DAB1: variants seen among roughly 807,000 people sequenced by gnomAD.
DAB1 encodes the protein DAB adaptor protein 1, also known as disabled homolog 1.
Under a neutral mutation model 64.6 loss-of-function variants are expected in DAB1, and 15 were observed. That is an observed-to-expected ratio of 0.23 (90% CI 0.16 to 0.36). The LOEUF (loss-of-function observed/expected upper bound fraction) is 0.36, where lower values mean the gene tolerates loss of function less well. DAB1 is among the 10% of genes least tolerant of loss of function. The pLI, the probability that DAB1 is intolerant of heterozygous loss-of-function variation, is 1.00. For missense variants in DAB1, 596 were observed against 706.7 expected (o/e 0.84, Z 1.78); for synonymous variants, 235 against 251.9 (o/e 0.93, Z 0.64).
intron 5 of DAB1, among the ~76,000 whole-genome samples, chr1:57,934,976 G>A (rs2102042599): frequency 6.6e-6 from 1 of 152,290 alleles, no homozygotes; most frequent in South Asian, 2.1e-4. Context: ...GCCATTTCTG[G>A]CTGTTTCAGT....
intron 2 of DAB1, among the ~76,000 whole-genome samples, chr1:57,252,179 C>A (rs759688710): frequency 1.3e-5 from 2 of 152,144 alleles, no homozygotes; most frequent in Non-Finnish European, 2.9e-5. Flanking sequence ...CCTTCCCTTG[C>A]GCTTAAAAAT....
intron 1 of DAB1, among the ~76,000 whole-genome samples, chr1:57,398,395 G>A (rs1682982327): frequency 6.6e-6 from 1 of 152,096 alleles, no homozygotes; most frequent in Non-Finnish European, 1.5e-5. Context: ...AAGATAAGGA[G>A]GAGTTCAACA....
intron 5 of DAB1, among the ~76,000 whole-genome samples, chr1:57,956,558 T>C (rs1645398103): frequency 6.6e-6 from 1 of 152,234 alleles, no homozygotes; most frequent in Non-Finnish European, 1.5e-5. Context: ...CACAGAAGGG[T>C]GGAGGGAAGA....
At chr1:58,107,083 T>TAA (rs111340126) in intron 5 of DAB1, among the ~76,000 whole-genome samples, 133 of 150,322 alleles carry the variant, frequency 8.8e-4, no homozygotes, top group Non-Finnish European at 1.2e-3. Context: ...TAATAGCTAG[T>TAA]AAAAAAAAAC....
At chr1:57,339,159 T>TTA (rs1677348341) in intron 1 of DAB1, among the ~76,000 whole-genome samples, 1 of 149,776 alleles carries the variant, frequency 6.7e-6, no homozygotes, top group Non-Finnish European at 1.5e-5. Flanking sequence ...TAATTAATTA[T>TTA]TATTTTTTTT....
chr1:57,000,420 TA>T (rs1645815225), intron 14 of DAB1, among the ~76,000 whole-genome samples: 1 of 152,208 alleles, frequency 6.6e-6, no homozygotes, highest in African/African-American at 2.4e-5. Context: ...TGAATGATTA[TA>T]ATGCTGTTTC....
At chr1:58,074,468 AG>A (rs1649468287) in intron 5 of DAB1, 1 of 145,484 alleles carries the variant, frequency 6.9e-6, no homozygotes, top group Non-Finnish European at 1.5e-5. Context: ...AAAAAAAAAA[AG>A]AATTATCTCT....
At chr1:57,106,476 A>G (rs1240531316) in intron 4 of DAB1, among the ~76,000 whole-genome samples, 3 of 152,148 alleles carry the variant, frequency 2.0e-5, no homozygotes, top group African/African-American at 4.8e-5. Context: ...AGCATAACCC[A>G]TCTTTGATGT....
At chr1:57,989,010 C>A (rs1403499323) in intron 5 of DAB1, among the ~76,000 whole-genome samples, 3 of 152,102 alleles carry the variant, frequency 2.0e-5, no homozygotes, top group African/African-American at 7.2e-5. Context: ...CATCTGAAGT[C>A]TACAGCCCTC....
intron 1 of DAB1, among the ~76,000 whole-genome samples, chr1:57,301,815 C>T (rs533734335): frequency 6.6e-6 from 1 of 152,174 alleles, no homozygotes; most frequent in Non-Finnish European, 1.5e-5. Flanking sequence ...AACCGTCTGC[C>T]TCTCAGTGAC....
chr1:57,088,255 G>C (rs1347621765), intron 4 of DAB1, among the ~76,000 whole-genome samples: 5 of 152,108 alleles, frequency 3.3e-5, no homozygotes, highest in Admixed American at 6.6e-5. Flanking sequence ...ATCTTTAGTA[G>C]AGACGGGGTT....
Position 57,768,217 on chromosome 1 carries a change from G to A in DAB1, n.551+115782C>T, listed in dbSNP as rs547776104. On this transcript the variant is annotated intron_variant and non_coding_transcript_variant, in intron 6 of 20. Transcript: ENST00000485760. ...AAAAAAGTTGAGGTGCTACATCCAT[G>A]CTCCCTGAATTCAGATCTCATCTCC... 1.9e-4 allele frequency among the ~76,000 whole-genome samples: 27 copies of A among 144,770 alleles called. No individual in the cohort carries two copies. The South Asian group carries it at 6.0e-3, about 32-fold the overall frequency. 95.0% of individuals were successfully genotyped at this position (144,770 alleles called of 152,430 possible).
At chr1:57,329,685 C>CAAAACA (rs1676488470) in intron 1 of DAB1, among the ~76,000 whole-genome samples, 1 of 134,766 alleles carries the variant, frequency 7.4e-6, no homozygotes, top group Admixed American at 7.4e-5. Context: ...AAAAAACCCA[C>CAAAACA]AAAACAAAAA....
At chr1:57,123,104 A>G (rs1350375956) in intron 4 of DAB1, among the ~76,000 whole-genome samples, 1 of 152,168 alleles carries the variant, frequency 6.6e-6, no homozygotes, top group African/African-American at 2.4e-5. Flanking sequence ...AGTAATAAAG[A>G]TTGTCAAGTT....
chr1:58,471,990 T>C (rs1288430650), intron 3 of DAB1, among the ~76,000 whole-genome samples: 1 of 152,202 alleles, frequency 6.6e-6, no homozygotes, highest in Admixed American at 6.5e-5. Flanking sequence ...GAGTGCAAAA[T>C]TGGATAATAT....
intron 4 of DAB1, among the ~76,000 whole-genome samples, chr1:58,210,120 G>A (rs1245042305): frequency 6.6e-6 from 1 of 152,128 alleles, no homozygotes; most frequent in Non-Finnish European, 1.5e-5. Flanking sequence ...AACTCTTGAG[G>A]TTGATATTTT....
chr1:57,591,153 G>A (rs564272443), intron 7 of DAB1, among the ~76,000 whole-genome samples: 5 of 152,266 alleles, frequency 3.3e-5, no homozygotes, highest in African/African-American at 4.8e-5. Context: ...TGCCTAGTAC[G>A]CATTCCTGAG....
chr1:58,444,883 T>G (rs971809717), intron 3 of DAB1, among the ~76,000 whole-genome samples: 1 of 152,206 alleles, frequency 6.6e-6, no homozygotes, highest in African/African-American at 2.4e-5. Context: ...ATGATGTATC[T>G]TATGTATACA....
intron 1 of DAB1, among the ~76,000 whole-genome samples, chr1:57,402,690 A>T (rs1683343046): frequency 6.6e-6 from 1 of 152,202 alleles, no homozygotes. Context: ...ATTTACTTAC[A>T]TTGTTAACTC....
Sources: gnomAD v4.1 joint callset for allele counts (sites outside exome capture counted in the v4.1 genomes callset) on GRCh38, gnomAD v4.1.1 for gene constraint, MANE v1.5 for transcripts, NCBI Gene and HGNC (gene_info 2026-07-23, HGNC 2026-07-21) for gene names.